Variants in SLC24A2 observed in about 807,000 individuals in gnomAD.
The protein encoded by SLC24A2 is sodium/potassium/calcium exchanger 2.
Under a neutral mutation model 62.0 loss-of-function variants are expected in SLC24A2, and 36 were observed. The ratio of observed to expected loss-of-function variants is 0.58; its 90% CI spans 0.44 to 0.77. The LOEUF (loss-of-function observed/expected upper bound fraction) is 0.77. Among genes scored for constraint, SLC24A2 ranks in the 30% least tolerant of loss-of-function variants. The pLI is 0.00. For missense variants in SLC24A2, 846 were observed against 817.9 expected (o/e 1.03, Z -0.42); for synonymous variants, 358 against 294.0 (o/e 1.22, Z -2.23).
chr9:19,791,260 G>C (rs1302448554), upstream of SLC24A2, among the ~76,000 whole-genome samples: 1 of 152,236 alleles, frequency 6.6e-6, no homozygotes, highest in Non-Finnish European at 1.5e-5. Flanking sequence ...AGAAGGGAAA[G>C]AGTGAAGGGT....
intron 7 of SLC24A2, among the ~76,000 whole-genome samples, chr9:19,558,618 T>C (rs1021241420): frequency 6.6e-6 from 1 of 152,216 alleles, no homozygotes; most frequent in African/African-American, 2.4e-5. Context: ...TAAACTTTCC[T>C]GGGGCTAACT....
At chr9:20,178,186 T>C in the SLC24A2 span, among the ~76,000 whole-genome samples, 4 of 152,178 alleles carry the variant, frequency 2.6e-5, no homozygotes, top group Non-Finnish European at 5.9e-5. Context: ...ATCTTCACAG[T>C]ACTTCTTACA....
At chr9:20,069,126 T>G in the SLC24A2 span, among the ~76,000 whole-genome samples, 1 of 152,228 alleles carries the variant, frequency 6.6e-6, no homozygotes. Context: ...GACTTTTTCT[T>G]CTCCCTTATC....
the SLC24A2 span, among the ~76,000 whole-genome samples, chr9:20,293,192 A>C: frequency 1.3e-5 from 2 of 152,120 alleles, no homozygotes; most frequent in Non-Finnish European, 2.9e-5. Flanking sequence ...CACCAACTCT[A>C]TTTGCAAATA....
chr9:20,145,624 CGTGT>C, the SLC24A2 span, among the ~76,000 whole-genome samples: 15 of 4,488 alleles, frequency 3.3e-3, no homozygotes, highest in East Asian at 6.0e-3. Flanking sequence ...TGTGTGTGCA[CGTGT>C]GCAATTACAC....
At chr9:20,186,069 G>C in the SLC24A2 span, among the ~76,000 whole-genome samples, 2 of 152,074 alleles carry the variant, frequency 1.3e-5, no homozygotes, top group African/African-American at 4.8e-5. Flanking sequence ...TGGGTGCCAT[G>C]ATGAGGCTTC....
intron 7 of SLC24A2, among the ~76,000 whole-genome samples, chr9:19,551,332 G>T (rs1834834407): frequency 6.6e-6 from 1 of 152,232 alleles, no homozygotes; most frequent in South Asian, 2.1e-4. Flanking sequence ...TGACTTGGCA[G>T]CCAATGGCCA....
the SLC24A2 span, among the ~76,000 whole-genome samples, chr9:20,012,906 A>C: frequency 7.9e-5 from 12 of 152,074 alleles, no homozygotes; most frequent in East Asian, 1.9e-4. Context: ...GAAAAAAAAA[A>C]CCACAAATAA....
the SLC24A2 span, among the ~76,000 whole-genome samples, chr9:19,925,081 C>A: frequency 6.6e-6 from 1 of 152,190 alleles, no homozygotes; most frequent in African/African-American, 2.4e-5. Flanking sequence ...ACACAGCTTG[C>A]CTTACATAAG....
At chr9:19,602,618 G>T (rs555075339) in intron 4 of SLC24A2, among the ~76,000 whole-genome samples, 1 of 152,312 alleles carries the variant, frequency 6.6e-6, no homozygotes, top group South Asian at 2.1e-4. Flanking sequence ...TGAAAGGGAA[G>T]CTCAAAAGGG....
At chr9:19,823,918 G>A in the SLC24A2 span, among the ~76,000 whole-genome samples, 2 of 152,112 alleles carry the variant, frequency 1.3e-5, no homozygotes, top group East Asian at 1.9e-4. Flanking sequence ...ACAAGCAATG[G>A]GGAAATGATT....
chr9:19,837,374 C>T, the SLC24A2 span, among the ~76,000 whole-genome samples: 117 of 142,652 alleles, frequency 8.2e-4, no homozygotes, highest in African/African-American at 2.8e-3. Context: ...ATGGCGTGAA[C>T]CCGGGAAGTG....
At chr9:20,271,908 T>G in the SLC24A2 span, among the ~76,000 whole-genome samples, 3 of 152,352 alleles carry the variant, frequency 2.0e-5, no homozygotes, top group East Asian at 3.9e-4. Context: ...TTTGGTGCTA[T>G]GCCACCTAAT....
chr9:20,193,478 T>C, the SLC24A2 span, among the ~76,000 whole-genome samples: 1 of 151,788 alleles, frequency 6.6e-6, no homozygotes, highest in Non-Finnish European at 1.5e-5. Context: ...TGGGAAGACT[T>C]TCCCTTAAAT....
the SLC24A2 span, among the ~76,000 whole-genome samples, chr9:20,264,901 A>T: frequency 1.3e-5 from 2 of 152,232 alleles, no homozygotes; most frequent in African/African-American, 4.8e-5. Context: ...TCTGAGTTCA[A>T]GACGGCTCAG....
chr9:19,692,557 G>A (rs113810019), intron 2 of SLC24A2, among the ~76,000 whole-genome samples: 1 of 152,080 alleles, frequency 6.6e-6, no homozygotes, highest in Non-Finnish European at 1.5e-5. Flanking sequence ...CCTTCTCTTT[G>A]AATTGCAAAG....
the SLC24A2 span, among the ~76,000 whole-genome samples, chr9:20,249,362 T>C: frequency 6.6e-6 from 1 of 152,110 alleles, no homozygotes; most frequent in Admixed American, 6.6e-5. Context: ...TCATCTGTCA[T>C]CTGGGGACAA....
the SLC24A2 span, among the ~76,000 whole-genome samples, chr9:20,141,737 C>T: frequency 6.6e-6 from 1 of 151,972 alleles, no homozygotes; most frequent in African/African-American, 2.4e-5. Flanking sequence ...CAAGCCCTTC[C>T]ATCACCCCAA....
chr9:19,891,949 A>G, the SLC24A2 span, among the ~76,000 whole-genome samples: 2 of 152,212 alleles, frequency 1.3e-5, no homozygotes, highest in Non-Finnish European at 2.9e-5. Flanking sequence ...CAAACATCCA[A>G]ACTATATAAC....
Sources: allele counts gnomAD v4.1 joint callset (sites outside exome capture counted in the v4.1 genomes callset), GRCh38; gene constraint gnomAD v4.1.1; transcripts MANE v1.5; gene names NCBI Gene and HGNC (gene_info 2026-07-23, HGNC 2026-07-21).